Variants in DISP3 observed in about 807,000 individuals in gnomAD.
The protein encoded by DISP3 is protein dispatched homolog 3.
DISP3 carries 101 observed loss-of-function variants against 135.3 expected under a neutral mutation model. That is an observed-to-expected ratio of 0.75 (90% confidence interval 0.64 to 0.88). DISP3 has a LOEUF of 0.88. Ranked by LOEUF, DISP3 falls within the 40% of genes least tolerant of loss-of-function variation. The pLI is 0.00. For synonymous variants in DISP3, 856 were observed against 817.0 expected (o/e 1.05, Z -0.81); for missense variants, 1,713 against 1,878.6 (o/e 0.91, Z 1.63).
At chr1:11,522,871 G>GCCCAGCCAGAGCCCAGCCAGGA (rs1557615624) in intron 10 of DISP3, among the ~76,000 whole-genome samples, 8 of 28,944 alleles carry the variant, frequency 2.8e-4, no homozygotes, top group South Asian at 1.0e-3. Context: ...CCCAGCCAGA[G>GCCCAGCCAGAGCCCAGCCAGGA]CCCAGCCAGA....
At chr1:11,515,572 T>C in intron 5 of DISP3, 69 bp downstream of exon 5, 1 of 1,539,136 alleles carries the variant, frequency 6.5e-7, no homozygotes, top group Non-Finnish European at 8.7e-7. Flanking sequence ...CCTTTCTCCC[T>C]GGATACAAAG....
rs117242704 is a variant in DISP3, at chr1:11,530,340, T to C, written c.3102+381T>C. 1.1e-3 allele frequency among the ~76,000 whole-genome samples: 174 copies of C among 152,318 alleles called. 2 individuals are homozygous for C. In the South Asian group the frequency reaches 0.018, roughly 15 times the overall value. Reference sequence around the variant, plus strand: ...CATGCACTCCTGTCCAATGTGGGGCTCTTCAGTTTTTGAAAGCACTGCTTG... The same window carrying C: ...CATGCACTCCTGTCCAATGTGGGGCCCTTCAGTTTTTGAAAGCACTGCTTG... On this transcript the variant is annotated intron_variant, in intron 15 of 20. Transcript: ENST00000294484.
rs753088986 is a variant in DISP3, at chr1:11,531,662, G to T, written c.3327G>T (p.Val1109=). Residue 1109 remains valine (V), a synonymous_variant, in exon 17 of 21, where the codon GTG becomes GTT. Transcript: ENST00000294484. This position sits in a 1 kb window ranked among gnomAD's most constrained non-coding sequence, Gnocchi z 5.2. Reference sequence around the variant, plus strand: ...CGGGGCAGCTGTCCCACGGGGCAGTGGGCGTCAGGGAGGGCCGCGTGCAGT... The same window carrying T: ...CGGGGCAGCTGTCCCACGGGGCAGTTGGCGTCAGGGAGGGCCGCGTGCAGT... ...LLPGQLSHGA[V]GVREGRVQWI... is the part of the protein sequence containing the mutation. The T allele has an allele frequency of 1.7e-5, 27 of 1,612,646 alleles. No individual in the cohort carries two copies. The highest frequency in any genetic ancestry group is 1.7e-4 in the Middle Eastern group (1 of 5,778).
chr1:11,502,705 C>T lies in DISP3; in HGVS notation c.1124C>T (p.Pro375Leu). The change falls in exon 3 of 21, where the codon CCT becomes CTT. Residue 375 changes from proline to leucine, a missense_variant. Pro to Leu is a moderately conservative substitution (Grantham distance 98). Around this residue, in one of 2 missense-constraint regions of DISP3, gnomAD observed 1,142 missense variants for 1,384.6 expected, o/e 0.82. Transcript: ENST00000294484. Reference sequence around the variant, plus strand: ...TCCCTGGAGCTGGCCATGACTCACCCTGAGTTCTACTGGTATGTGGATGAG... The same window carrying T: ...TCCCTGGAGCTGGCCATGACTCACCTTGAGTTCTACTGGTATGTGGATGAG... ...RGSLELAMTH[P>L]EFYWYVDEGL... The T allele has an allele frequency of 6.2e-7, 1 of 1,614,152 alleles. No individual in the cohort carries two copies. The highest frequency in any genetic ancestry group is 1.1e-5 in the South Asian group (1 of 91,074).
chr1:11,502,327 C>A (rs1482202531), intron 2 of DISP3, among the ~76,000 whole-genome samples: 4 of 152,164 alleles, frequency 2.6e-5, no homozygotes, highest in African/African-American at 9.7e-5. Context: ...GGGGGTTCTG[C>A]TGTGGTCAGA....
rs967777437 is a variant in DISP3, at chr1:11,516,273, A to G, written c.1749+112A>G. On this transcript the variant is annotated intron_variant, in intron 6 of 20. Transcript: ENST00000294484. This position sits in a 1 kb window ranked among gnomAD's most constrained non-coding sequence, Gnocchi z 5.1. ...TGAGTGGCCATATAGCCTTCACCTCAAGGTACTTGCCCTGGCTCTAGAGTT... is the reference window on the plus strand; with the variant it reads ...TGAGTGGCCATATAGCCTTCACCTCGAGGTACTTGCCCTGGCTCTAGAGTT... The G allele has an allele frequency of 2.5e-5, 33 of 1,313,346 alleles. No homozygotes were observed. Among genetic ancestry groups the G allele is most frequent in the Non-Finnish European group, 3.4e-5 (33 of 958,014 alleles). 81.4% of individuals were successfully genotyped at this position (1,313,346 alleles called of 1,614,324 possible).
rs747089137 is a variant in DISP3, at chr1:11,501,197, A to C, written c.205A>C (p.Thr69Pro). Reference protein sequence around the residue: ...GFWSTLGWAFTNPCCAGLVLF... With the variant: ...GFWSTLGWAFPNPCCAGLVLF... ...CTGGAGTACCCTGGGCTGGGCCTTC[A>C]CCAATCCGTGCTGTGCTGGGCTGGT... The change falls in exon 2 of 21, where the codon ACC becomes CCC. Residue 69 changes from threonine to proline, a missense_variant. This residue lies in a region of DISP3 where 571 missense variants were observed against 494.1 expected (regional missense o/e 1.16). Transcript: ENST00000294484. This position sits in a 1 kb window ranked among gnomAD's most constrained non-coding sequence, Gnocchi z 4.9. 1 of 1,613,784 alleles carries C rather than the reference A, an allele frequency of 6.2e-7. No individual in the cohort carries two copies. The highest frequency in any genetic ancestry group is 1.3e-5 in the African/African-American group (1 of 74,942).
intron 2 of DISP3, among the ~76,000 whole-genome samples, 179 bp from the exon 3 acceptor site, chr1:11,502,499 G>T (rs557976376): frequency 7.2e-5 from 11 of 152,160 alleles, no homozygotes; most frequent in Non-Finnish European, 1.5e-4. Flanking sequence ...TAGGGATGGG[G>T]CTTGAGGAAG....
chr1:11,485,398 GGAT>G (rs1282798959), intron 1 of DISP3, among the ~76,000 whole-genome samples: 2 of 152,198 alleles, frequency 1.3e-5, no homozygotes, highest in Non-Finnish European at 2.9e-5. Flanking sequence ...ACTGGCACCT[GGAT>G]GATGTGTCCT....
In DISP3 at chr1:11,531,041, G is replaced by T; in HGVS notation, c.3229+8G>T. ...CCCAGTGCCTGCCTTCAGGTGCGTGGGGTGTGGGGAGCTGGTTCCTCCGAG... is the reference window on the plus strand; with the variant it reads ...CCCAGTGCCTGCCTTCAGGTGCGTGTGGTGTGGGGAGCTGGTTCCTCCGAG... On this transcript the variant is annotated splice_region_variant and intron_variant, in intron 16 of 20. Coordinates refer to ENST00000294484, the MANE Select transcript of DISP3 (RefSeq NM_020780.2). This position sits in a 1 kb window ranked among gnomAD's most constrained non-coding sequence, Gnocchi z 5.2. The T allele has an allele frequency of 1.2e-6, 2 of 1,613,206 alleles. No individual in the cohort carries two copies. The highest frequency in any genetic ancestry group is 1.1e-5 in the South Asian group (1 of 91,052).
In DISP3 at chr1:11,535,603, TA is replaced by T. The variant is rs1642688931; in HGVS notation, c.3776del (p.Tyr1259SerfsTer76). 1 of 1,613,108 alleles carries T rather than the reference TA, an allele frequency of 6.2e-7. No individual in the cohort carries two copies. On this transcript the variant is annotated frameshift_variant, in exon 20 of 21. Coordinates refer to ENST00000294484, the MANE Select transcript of DISP3 (RefSeq NM_020780.2). LOFTEE classifies it high-confidence loss of function. ...TTACTGCGTCCACCTGGTCGAGGGC[TA>T]CCTGCTGGCTGGAGAGAACCTGCCC... ...VDYCVHLVEG[Y>X]LLAGENLPPH...
In DISP3 at chr1:11,530,957, C is replaced by A. The variant is rs1420664056; in HGVS notation, c.3153C>A (p.His1051Gln). 6.2e-7 allele frequency: 1 copy of A among 1,613,996 alleles called. No homozygotes were observed. Among genetic ancestry groups the A allele is most frequent in the Admixed American group, 1.7e-5 (1 of 60,012 alleles). The change falls in exon 16 of 21, where the codon CAC becomes CAA. Residue 1051 changes from histidine (H) to glutamine (Q), a missense_variant. This residue lies in a region of DISP3 where 1,142 missense variants were observed against 1,384.6 expected (regional missense o/e 0.82). Coordinates refer to ENST00000294484, the MANE Select transcript of DISP3 (RefSeq NM_020780.2). ...SSFDLFKEIG[H>Q]LCHLCKAIAA... is the part of the protein sequence containing the mutation. ...TTGACCTCTTCAAGGAAATTGGGCA[C>A]CTGTGTCACCTCTGCAAGGCCATCG...
chr1:11,481,979 A>G (rs1640915875), intron 1 of DISP3: 1 of 152,202 alleles, frequency 6.6e-6, no homozygotes, highest in Non-Finnish European at 1.5e-5. Flanking sequence ...TATCCTCTGC[A>G]TATACCACTG....
chr1:11,536,615 G>A lies in DISP3; in HGVS notation c.4108G>A (p.Gly1370Arg). 1.2e-6 allele frequency: 2 copies of A among 1,609,298 alleles called. No homozygotes were observed. Among genetic ancestry groups the A allele is most frequent in the Non-Finnish European group, 8.5e-7 (1 of 1,178,974 alleles). Residue 1370 changes from glycine (G) to arginine (R), a missense_variant, in exon 21 of 21, where the codon GGG becomes AGG. Around this residue, in one of 2 missense-constraint regions of DISP3, gnomAD observed 1,142 missense variants for 1,384.6 expected, o/e 0.82. Transcript: ENST00000294484. The surrounding 1 kb of genome is among the most constrained non-coding windows in gnomAD (Gnocchi z 4.3). ...TGCCGTGCTGCTGGCAGGGGCCCTG[G>A]GGCTGGGTGCCTGCCTCGTGCTCCT... Reference protein sequence around the residue: ...LGAVLLAGALGLGACLVLLQS... With the variant: ...LGAVLLAGALRLGACLVLLQS...
At chr1:11,509,866 C>A (rs113707009) in intron 3 of DISP3, among the ~76,000 whole-genome samples, 5 of 151,972 alleles carry the variant, frequency 3.3e-5, no homozygotes, top group Non-Finnish European at 5.9e-5. Context: ...TTTGGGAGGC[C>A]GAGGCAGGTG....
rs1163359830 is a variant in DISP3, at chr1:11,536,414, G to A, written c.3907G>A (p.Ala1303Thr). ...IVSSALTTVI[A>T]TVPLFFCIIA... The stretch of plus-strand genomic sequence containing the variant: ...CTCCAGTGCCCTCACCACGGTCATC[G>A]CCACAGTGCCCCTCTTCTTCTGCAT... The change falls in exon 21 of 21, where the codon GCC (alanine) becomes ACC (threonine). Residue 1303 changes from alanine (A) to threonine (T), a missense_variant. Ala to Thr is a moderately conservative substitution (Grantham distance 58). Around this residue, in one of 2 missense-constraint regions of DISP3, gnomAD observed 1,142 missense variants for 1,384.6 expected, o/e 0.82. Transcript: ENST00000294484. The surrounding 1 kb of genome is among the most constrained non-coding windows in gnomAD (Gnocchi z 4.3). The A allele has an allele frequency of 5.0e-6, 8 of 1,612,804 alleles. No individual in the cohort carries two copies. The highest frequency in any genetic ancestry group is 2.2e-5 in the East Asian group (1 of 44,886).
At chr1:11,533,736 T>TGCACACACACAC (rs113116961) in intron 17 of DISP3, 19 of 697,686 alleles carry the variant, frequency 2.7e-5, no homozygotes, top group African/African-American at 1.1e-4. Context: ...CAGACACGCA[T>TGCACACACACAC]GCACACACAC....
Position 11,501,736 on chromosome 1 carries a change from T to G in DISP3, c.744T>G (p.Arg248=). 1 of 1,591,982 alleles carries G rather than the reference T, an allele frequency of 6.3e-7. No homozygotes were observed. Among genetic ancestry groups the G allele is most frequent in the Non-Finnish European group, 8.6e-7 (1 of 1,167,870 alleles). The change falls in exon 2 of 21, where the codon CGT becomes CGG. Residue 248 remains arginine (R), a synonymous_variant. Transcript: ENST00000294484. This position sits in a 1 kb window ranked among gnomAD's most constrained non-coding sequence, Gnocchi z 4.9. Reference sequence around the variant, plus strand: ...CGGCAGTCGCGGCCAATCAGAGCCGTGCCCGCCGAGGCGCCTCGCGCTGGG... The same window carrying G: ...CGGCAGTCGCGGCCAATCAGAGCCGGGCCCGCCGAGGCGCCTCGCGCTGGG... The part of the protein sequence containing the change: ...PHAAVAANQS[R]ARRGASRWDY...
intron 1 of DISP3, among the ~76,000 whole-genome samples, chr1:11,492,218 C>G (rs1208795474): frequency 6.6e-6 from 1 of 151,972 alleles, no homozygotes; most frequent in East Asian, 1.9e-4. Context: ...ACAGATTTCC[C>G]TCTTGGTGTT....
Sources: gnomAD v4.1 joint callset for allele counts (sites outside exome capture counted in the v4.1 genomes callset) on GRCh38, gnomAD v4.1.1 for gene constraint, gnomAD v4.1.1 regional missense constraint, Gnocchi (gnomAD v3.1) non-coding constraint, MANE v1.5 for transcripts, NCBI Gene and HGNC (gene_info 2026-07-23, HGNC 2026-07-21) for gene names.